NIPAL2: variants seen among roughly 807,000 people sequenced by gnomAD.
NIPAL2 encodes the protein NIPA like domain containing 2, also known as NIPA-like protein 2.
NIPAL2 carries 43 observed loss-of-function variants against 48.9 expected under a neutral mutation model. That is an observed-to-expected ratio of 0.88 (90% CI 0.69 to 1.13). The LOEUF (loss-of-function observed/expected upper bound fraction) is 1.13. Among genes scored for constraint, NIPAL2 ranks in the 50% most tolerant of loss-of-function variants. The pLI, the probability that NIPAL2 is intolerant of heterozygous loss-of-function variation, is 0.00. For synonymous variants in NIPAL2, 167 were observed against 174.6 expected (o/e 0.96, Z 0.34); for missense variants, 446 against 461.4 (o/e 0.97, Z 0.31).
chr8:98,262,840 G>A (rs927277864), intron 1 of NIPAL2, among the ~76,000 whole-genome samples: 22 of 151,558 alleles, frequency 1.5e-4, no homozygotes, highest in Middle Eastern at 3.4e-3. Flanking sequence ...TTTCAGCACC[G>A]CACCACACCT....
chr8:98,244,593 GGCTGTGGTGATGAGAGGGT>G (rs1813199560), intron 3 of NIPAL2, among the ~76,000 whole-genome samples: 1 of 72,466 alleles, frequency 1.4e-5, no homozygotes, highest in Non-Finnish European at 2.8e-5. Context: ...TGAGAGGGTG[GGCTGTGGTGATGAGAGGGT>G]GGGCTGTGGT....
chr8:98,269,234 T>C (rs1197280324), intron 1 of NIPAL2, among the ~76,000 whole-genome samples: 2 of 152,190 alleles, frequency 1.3e-5, no homozygotes, highest in Admixed American at 6.5e-5. Flanking sequence ...GAATTACAAA[T>C]GTTCTTAAAG....
chr8:98,291,371 G>A (rs952312511), intron 1 of NIPAL2, among the ~76,000 whole-genome samples: 1 of 152,124 alleles, frequency 6.6e-6, no homozygotes, highest in Non-Finnish European at 1.5e-5. Flanking sequence ...CACTGTGCAT[G>A]CCTATCAATG....
chr8:98,270,022 T>C (rs559086122), intron 1 of NIPAL2, among the ~76,000 whole-genome samples: 1 of 150,610 alleles, frequency 6.6e-6, no homozygotes, highest in Admixed American at 6.6e-5. Flanking sequence ...GATTTCATTC[T>C]TTTTTTATGG....
rs1225269994 is a variant in NIPAL2, at chr8:98,280,757, T to TAGAG, written c.135+13245_135+13246insCTCT. Among the ~76,000 whole-genome samples the TAGAG allele has an allele frequency of 5.5e-3, 160 of 29,288 alleles. 2 individuals are homozygous for TAGAG. Among genetic ancestry groups the TAGAG allele is most frequent in the Admixed American group, 0.011 (26 of 2,434 alleles). 19.2% of individuals were successfully genotyped at this position (29,288 alleles called of 152,430 possible). ...ATTACTATATATATATATATATATATATATAGAGAGAGAGAGAGAGAGAGA... is the reference window on the plus strand; with the variant it reads ...ATTACTATATATATATATATATATATAGAGATATAGAGAGAGAGAGAGAGAGAGA... On this transcript the variant is annotated intron_variant, in intron 1 of 10. Transcript: ENST00000430223.
In NIPAL2 at chr8:98,192,062, C is replaced by G. The variant is rs1563800445; in HGVS notation, c.*916G>C. On this transcript the variant is annotated 3_prime_UTR_variant, in exon 11 of 11. Coordinates refer to ENST00000430223, the MANE Select transcript of NIPAL2 (RefSeq NM_001321635.2). ...TATATGGAGAATAAGACATATAAAT[C>G]CACTTGATAAATTATAAGATCTATA... 6.6e-6 allele frequency: 1 copy of G among 151,956 alleles called. No individual in the cohort carries two copies. The highest frequency in any genetic ancestry group is 1.9e-4 in the East Asian group (1 of 5,186). The allele number at this position is 151,956 out of a possible 1,614,324, so 9.4% of individuals were successfully genotyped here.
rs150966058 is a variant in NIPAL2, at chr8:98,222,659, G to A, written c.437-59C>T. ...AAACCAACCTAAAGCTTTTGTTGAC[G>A]CAGACATTGCCTAGAGACTGCGCAT... On this transcript the variant is annotated intron_variant, in intron 4 of 10. Coordinates refer to ENST00000430223, the MANE Select transcript of NIPAL2 (RefSeq NM_001321635.2). 4.7e-5 allele frequency: 73 copies of A among 1,555,020 alleles called. No individual in the cohort carries two copies. In the East Asian group the frequency reaches 1.3e-3, roughly 27 times the overall value.
At chr8:98,281,536 T>C (rs930778598) in intron 1 of NIPAL2, among the ~76,000 whole-genome samples, 5 of 152,226 alleles carry the variant, frequency 3.3e-5, no homozygotes, top group East Asian at 3.9e-4. Context: ...AGGGGATGGA[T>C]TCCCCATTCT....
chr8:98,238,485 T>C (rs932268048), intron 3 of NIPAL2, among the ~76,000 whole-genome samples: 1 of 152,236 alleles, frequency 6.6e-6, no homozygotes, highest in Non-Finnish European at 1.5e-5. Context: ...TAATAATCCA[T>C]TAAACAGATG....
chr8:98,294,066 G>A lies in NIPAL2; in HGVS notation c.72C>T (p.Phe24=). ...TGCCGGCGCCTGGTGCCCCGTACGT[G>A]AAATTCAGTGACAGCTCGTCCAGGG... The part of the protein sequence containing the change: ...SAALDELSLN[F]TYGAPGAGNG... The change falls in exon 1 of 11, where the codon TTC becomes TTT. Residue 24 remains phenylalanine (F), a synonymous_variant. Transcript: ENST00000430223. 1 of 1,501,052 alleles carries A rather than the reference G, an allele frequency of 6.7e-7. No homozygotes were observed. Among genetic ancestry groups the A allele is most frequent in the Non-Finnish European group, 8.9e-7 (1 of 1,125,686 alleles). 93.0% of individuals were successfully genotyped at this position (1,501,052 alleles called of 1,614,324 possible). A position where few individuals can be genotyped will look rare whatever the true frequency, so the allele number is the denominator to read the frequency against.
chr8:98,218,633 C>T (rs1465469974), intron 5 of NIPAL2, among the ~76,000 whole-genome samples: 2 of 152,154 alleles, frequency 1.3e-5, no homozygotes, highest in East Asian at 1.9e-4. Context: ...GGCACTATGA[C>T]TGATGGCCTG....
At chr8:98,277,796 G>C (rs1815563089) in intron 1 of NIPAL2, among the ~76,000 whole-genome samples, 1 of 152,100 alleles carries the variant, frequency 6.6e-6, no homozygotes, top group Non-Finnish European at 1.5e-5. Flanking sequence ...ATCACCTCTA[G>C]AGCATGTACT....
chr8:98,213,911 GC>G (rs1175244383), intron 5 of NIPAL2, among the ~76,000 whole-genome samples: 5 of 152,160 alleles, frequency 3.3e-5, no homozygotes, highest in Admixed American at 1.3e-4. Context: ...TAGAATGCCA[GC>G]CCTAGAACAG....
At chr8:98,212,216 T>G (rs1811352670) in intron 6 of NIPAL2, among the ~76,000 whole-genome samples, 189 bp downstream of exon 6, 1 of 152,198 alleles carries the variant, frequency 6.6e-6, no homozygotes. Context: ...AAATTAAATA[T>G]ATATCAATTG....
chr8:98,223,933 A>C (rs563887316), intron 4 of NIPAL2, among the ~76,000 whole-genome samples: 6 of 152,250 alleles, frequency 3.9e-5, no homozygotes, highest in African/African-American at 4.8e-5. Context: ...AAAAAATTAC[A>C]TAATTGTTCA....
chr8:98,235,721 A>T (rs964012671), intron 4 of NIPAL2, among the ~76,000 whole-genome samples: 12 of 151,412 alleles, frequency 7.9e-5, no homozygotes, highest in Admixed American at 3.9e-4. Flanking sequence ...CTCAAATTTT[A>T]AAAAAAATAT....
At chr8:98,273,844 C>T (rs1288033019) in intron 1 of NIPAL2, among the ~76,000 whole-genome samples, 1 of 152,020 alleles carries the variant, frequency 6.6e-6, no homozygotes, top group African/African-American at 2.4e-5. Context: ...CCTCTAAGTA[C>T]ACTGTCTGTC....
chr8:98,217,463 A>G, intron 5 of NIPAL2, among the ~76,000 whole-genome samples: 1 of 152,260 alleles, frequency 6.6e-6, no homozygotes, highest in East Asian at 1.9e-4. Flanking sequence ...TATAATACAT[A>G]GAGTTAGATG....
intron 3 of NIPAL2, among the ~76,000 whole-genome samples, chr8:98,242,185 A>G (rs764468323): frequency 6.6e-6 from 1 of 152,128 alleles, no homozygotes; most frequent in Non-Finnish European, 1.5e-5. Flanking sequence ...AGATTTTAAA[A>G]GTTCTTTTTT....
Sources: gnomAD v4.1 joint callset for allele counts (sites outside exome capture counted in the v4.1 genomes callset) on GRCh38, gnomAD v4.1.1 for gene constraint, MANE v1.5 for transcripts, NCBI Gene and HGNC (gene_info 2026-07-23, HGNC 2026-07-21) for gene names.